SLC22A7: variants seen among roughly 807,000 people sequenced by gnomAD.
The protein encoded by SLC22A7 is solute carrier family 22 member 7, also known as hOAT2.
Under a neutral mutation model 62.2 loss-of-function variants are expected in SLC22A7, and 48 were observed. The ratio of observed to expected loss-of-function variants is 0.77; its 90% CI spans 0.61 to 0.98. SLC22A7 has a LOEUF of 0.98. SLC22A7 is among the 50% of genes least tolerant of loss of function. SLC22A7 has a pLI of 0.00. For missense variants in SLC22A7, 581 were observed against 703.8 expected, an observed-to-expected ratio of 0.83 and a Z score of 1.97; for synonymous variants, 276 against 314.8, an observed-to-expected ratio of 0.88 and a Z score of 1.30.
upstream of SLC22A7, chr6:43,298,149 G>A (rs1778600149): frequency 5.5e-6 from 3 of 544,990 alleles, no homozygotes; most frequent in Non-Finnish European, 9.7e-6. Flanking sequence ...CCTTCCCCCA[G>A]GCACCAGGCA....
chr6:43,299,101 G>T lies in SLC22A7; in HGVS notation c.399+4G>T. 2.5e-6 allele frequency: 4 copies of T among 1,607,824 alleles called. No individual in the cohort carries two copies. The highest frequency in any genetic ancestry group is 2.2e-5 in the South Asian group (2 of 90,470). The stretch of plus-strand genomic sequence containing the variant: ...CCTTCCTCTTTTCCAGTCCCAGGTC[G>T]GTATTTACATAATCCATCTGGAGGT... On this transcript the variant is annotated splice_donor_region_variant and intron_variant, in intron 2 of 10. Coordinates refer to ENST00000372585, the MANE Select transcript of SLC22A7 (RefSeq NM_153320.2). The surrounding 1 kb of genome is among the most constrained non-coding windows in gnomAD (Gnocchi z 4.4).
chr6:43,296,557 G>C (rs1360563885), upstream of SLC22A7, among the ~76,000 whole-genome samples: 2 of 152,244 alleles, frequency 1.3e-5, no homozygotes, highest in African/African-American at 4.8e-5. Context: ...GGTCACACGT[G>C]AGTGAGGATG....
Position 43,299,967 on chromosome 6 carries a change from G to T in SLC22A7, c.728G>T (p.Gly243Val). The T allele has an allele frequency of 1.2e-6, 2 of 1,614,172 alleles. No individual in the cohort carries two copies. Among genetic ancestry groups the T allele is most frequent in the South Asian group, 2.2e-5 (2 of 91,084 alleles). Residue 243 changes from glycine (G) to valine (V), a missense_variant, in exon 5 of 11, where the codon GGC (glycine) becomes GTC (valine). Transcript: ENST00000372585. This position sits in a 1 kb window ranked among gnomAD's most constrained non-coding sequence, Gnocchi z 4.4. ...GVLSSTFWTG[G>V]VMLLALVGYL... ...CTGAGCAGCACCTTCTGGACAGGGG[G>T]CGTGATGCTGCTGGCACTGGTTGGG... is the stretch of plus-strand genomic sequence containing the variant.
rs559322938 is a variant in SLC22A7, at chr6:43,299,699, C to A, written c.576C>A (p.Ser192=). ...TLVLGLASAA[S]VSYVMFAITR... ...TGCTGGGCCTGGCATCTGCAGCCTC[C>A]GTCAGCTATGTAATGTTTGCCATCA... The change falls in exon 4 of 11, where the codon TCC becomes TCA. Residue 192 remains serine (S), a synonymous_variant. Transcript: ENST00000372585. The surrounding 1 kb of genome is among the most constrained non-coding windows in gnomAD (Gnocchi z 4.4). 1.2e-6 allele frequency: 2 copies of A among 1,614,152 alleles called. No individual in the cohort carries two copies. Among genetic ancestry groups the A allele is most frequent in the Non-Finnish European group, 1.7e-6 (2 of 1,180,030 alleles).
Position 43,301,135 on chromosome 6 carries a change from G to C in SLC22A7, c.828G>C (p.Trp276Cys), listed in dbSNP as rs191793591. Residue 276 changes from tryptophan to cysteine, a missense_variant and splice_region_variant, in exon 6 of 11, where the codon TGG becomes TGC. Physicochemically the swap from Trp to Cys is radical, Grantham distance 215 (BLOSUM62 -2). Transcript: ENST00000372585. ...LPCAPGILSL[W>C]WVPESARWLL... Reference sequence around the variant, plus strand: ...TGATGGACCTTCTGCCTATTCCTAGGTGGGTGCCTGAGTCTGCACGCTGGC... The same window carrying C: ...TGATGGACCTTCTGCCTATTCCTAGCTGGGTGCCTGAGTCTGCACGCTGGC... The C allele has an allele frequency of 1.2e-6, 2 of 1,614,050 alleles. No homozygotes were observed. Among genetic ancestry groups the C allele is most frequent in the African/African-American group, 2.7e-5 (2 of 74,912 alleles).
rs1778903120 is a variant in SLC22A7, at chr6:43,305,426, C to G, written c.*701C>G. The G allele has an allele frequency of 3.3e-6, 1 of 301,136 alleles. No homozygotes were observed. Among genetic ancestry groups the G allele is most frequent in the African/African-American group, 2.2e-5 (1 of 44,898 alleles). 18.7% of individuals were successfully genotyped at this position (301,136 alleles called of 1,614,324 possible). ...ATGTCATCCCAACCCCCACACTCCC[C>G]ATCCTCCAACCCACTGGTCTCATGC... On this transcript the variant is annotated 3_prime_UTR_variant, in exon 11 of 11. Transcript: ENST00000372585.
At chr6:43,301,555 G>A in intron 6 of SLC22A7, 28 bp from the exon 7 acceptor site, 3 of 1,577,742 alleles carry the variant, frequency 1.9e-6, no homozygotes, top group Non-Finnish European at 1.7e-6. Context: ...CAACTCTGAT[G>A]TTACAACCTC....
chr6:43,304,786 G>T lies in SLC22A7; in HGVS notation c.*61G>T. On this transcript the variant is annotated 3_prime_UTR_variant, in exon 11 of 11. Coordinates refer to ENST00000372585, the MANE Select transcript of SLC22A7 (RefSeq NM_153320.2). ...CAGCAGGGGCTGGGAGAGCAGAAGG[G>T]CAGGCCCTGCAACTCAGGCTGGGAG... 7.4e-7 allele frequency: 1 copy of T among 1,350,746 alleles called. No homozygotes were observed. The highest frequency in any genetic ancestry group is 2.3e-5 in the Admixed American group (1 of 43,222). The allele number at this position is 1,350,746 out of a possible 1,614,324, so 83.7% of individuals were successfully genotyped here. A position where few individuals can be genotyped will look rare whatever the true frequency, so the allele number is the denominator to read the frequency against.
intron 5 of SLC22A7, 117 bp downstream of exon 5, chr6:43,300,183 G>C: frequency 9.6e-7 from 1 of 1,036,472 alleles, no homozygotes; most frequent in Admixed American, 2.5e-5. Context: ...GAAACGAAGT[G>C]ACCAAGAGAC....
rs759181553 is a variant in SLC22A7, at chr6:43,302,270, A to C, written c.1132A>C (p.Thr378Pro). The change falls in exon 8 of 11, where the codon ACA (threonine) becomes CCA (proline). Residue 378 changes from threonine to proline, a missense_variant. Physicochemically the swap from Thr to Pro is conservative, Grantham distance 38. Transcript: ENST00000372585. This position sits in a 1 kb window ranked among gnomAD's most constrained non-coding sequence, Gnocchi z 5.0. ...GGGGCTGGGGCTGAACGTGTACCAG[A>C]CACAGCTGTTGTTCGGGGCTGTGGA... is the stretch of plus-strand genomic sequence containing the variant. The part of the protein sequence containing the change: ...VSGLGLNVYQ[T>P]QLLFGAVELP... The C allele has an allele frequency of 6.2e-7, 1 of 1,613,060 alleles. No individual in the cohort carries two copies. The highest frequency in any genetic ancestry group is 8.5e-7 in the Non-Finnish European group (1 of 1,179,414).
rs961281555 is a variant in SLC22A7 at position 43,304,894 on chromosome 6, G to C, written c.*169G>C. On this transcript the variant is annotated 3_prime_UTR_variant, in exon 11 of 11. Coordinates refer to ENST00000372585, the MANE Select transcript of SLC22A7 (RefSeq NM_153320.2). ...CCATCCTTGATTATTTGGCTTCTAG[G>C]AACAGTTGACTTCCCAGAATGCAGT... 7.0e-5 allele frequency: 34 copies of C among 487,142 alleles called. No individual in the cohort carries two copies. The highest frequency in any genetic ancestry group is 6.6e-4 in the African/African-American group (33 of 49,862). 30.2% of individuals were successfully genotyped at this position (487,142 alleles called of 1,614,324 possible). A position where few individuals can be genotyped will look rare whatever the true frequency, so the allele number is the denominator to read the frequency against.
chr6:43,298,674 G>C lies in SLC22A7; in HGVS notation c.316G>C (p.Asp106His). The change falls in exon 1 of 11, where the codon GAT becomes CAT. Residue 106 changes from aspartate to histidine, a missense_variant. By Grantham distance (81) the Asp-to-His change is moderately conservative. Transcript: ENST00000372585. ...AAGGCAGAGCCGTGGGGAGCTGGAG[G>C]ATGAACCTGCCACAGTGCCCTGCTC... is the stretch of plus-strand genomic sequence containing the variant. ...EERQSRGELE[D>H]EPATVPCSQG... 1 of 1,560,580 alleles carries C rather than the reference G, an allele frequency of 6.4e-7. No individual in the cohort carries two copies. Among genetic ancestry groups the C allele is most frequent in the East Asian group, 2.3e-5 (1 of 44,420 alleles).
Position 43,299,953 on chromosome 6 carries a change from C to T in SLC22A7, c.714C>T (p.Thr238=), listed in dbSNP as rs1411083830. 8 of 1,614,052 alleles carry T rather than the reference C, an allele frequency of 5.0e-6. No homozygotes were observed. The East Asian group carries it at 1.6e-4, about 31-fold the overall frequency. The change falls in exon 5 of 11, where the codon ACC becomes ACT. Residue 238 remains threonine (T), a synonymous_variant. Transcript: ENST00000372585. This position sits in a 1 kb window ranked among gnomAD's most constrained non-coding sequence, Gnocchi z 4.4. Reference sequence around the variant, plus strand: ...CCGTGGCTGGAGTCCTGAGCAGCACCTTCTGGACAGGGGGCGTGATGCTGC... The same window carrying T: ...CCGTGGCTGGAGTCCTGAGCAGCACTTTCTGGACAGGGGGCGTGATGCTGC... ...HRTVAGVLSS[T]FWTGGVMLLA...
chr6:43,303,490 T>TAAG (rs1778829265), intron 9 of SLC22A7, among the ~76,000 whole-genome samples: 3 of 147,992 alleles, frequency 2.0e-5, no homozygotes, highest in South Asian at 2.2e-4. Flanking sequence ...AATTAAATAA[T>TAAG]AATAATAATA....
chr6:43,304,555 C>T (rs374264752), intron 10 of SLC22A7, 116 bp from the exon 11 acceptor site: 3 of 824,234 alleles, frequency 3.6e-6, no homozygotes, highest in Admixed American at 2.3e-5. Context: ...GTCACTTGTA[C>T]AGGCGTTTGT....
Position 43,304,823 on chromosome 6 carries a change from C to T in SLC22A7, c.*98C>T. ...ACTCAGGCTGGGAGTATCGAACCCTCTGCCTAGGGCCGGAGTTGCTGCCAG... is the reference window on the plus strand; with the variant it reads ...ACTCAGGCTGGGAGTATCGAACCCTTTGCCTAGGGCCGGAGTTGCTGCCAG... On this transcript the variant is annotated 3_prime_UTR_variant, in exon 11 of 11. Transcript: ENST00000372585. 1.0e-6 allele frequency: 1 copy of T among 964,634 alleles called. No homozygotes were observed. The highest frequency in any genetic ancestry group is 1.5e-6 in the Non-Finnish European group (1 of 667,696). The allele number at this position is 964,634 out of a possible 1,614,324, so 59.8% of individuals were successfully genotyped here.
At position 43,302,457 on chromosome 6, in the gene SLC22A7, C is replaced by A; in HGVS notation, c.1276+43C>A. Reference sequence around the variant, plus strand: ...GGTTCTGCCCACCCCAGAAGCCGGGCCAGGAACCCTGCCCACTCCCCGGAG... The same window carrying A: ...GGTTCTGCCCACCCCAGAAGCCGGGACAGGAACCCTGCCCACTCCCCGGAG... On this transcript the variant is annotated intron_variant, in intron 8 of 10. Coordinates refer to ENST00000372585, the MANE Select transcript of SLC22A7 (RefSeq NM_153320.2). This position sits in a 1 kb window ranked among gnomAD's most constrained non-coding sequence, Gnocchi z 5.0. The A allele has an allele frequency of 1.4e-6, 2 of 1,475,358 alleles. No homozygotes were observed. Among genetic ancestry groups the A allele is most frequent in the Admixed American group, 2.2e-5 (1 of 46,322 alleles). The allele number at this position is 1,475,358 out of a possible 1,614,324, so 91.4% of individuals were successfully genotyped here.
rs1428064850 is a variant in SLC22A7, at chr6:43,302,273, C to T, written c.1135C>T (p.Gln379Ter). The T allele has an allele frequency of 6.2e-7, 1 of 1,613,158 alleles. No homozygotes were observed. The highest frequency in any genetic ancestry group is 8.5e-7 in the Non-Finnish European group (1 of 1,179,474). The stretch of plus-strand genomic sequence containing the variant: ...GCTGGGGCTGAACGTGTACCAGACA[C>T]AGCTGTTGTTCGGGGCTGTGGAACT... ...SGLGLNVYQTQLLFGAVELPS... is the reference protein window; with the variant it reads ...SGLGLNVYQT Residue 379 changes from glutamine (Q) to a stop codon, truncating the protein, a stop_gained, in exon 8 of 11, where the codon CAG becomes TAG. Transcript: ENST00000372585. LOFTEE classifies it high-confidence loss of function. The surrounding 1 kb of genome is among the most constrained non-coding windows in gnomAD (Gnocchi z 5.0).
Position 43,299,660 on chromosome 6 carries a change from C to G in SLC22A7, c.537C>G (p.Tyr179Ter). ...GGCGGCGTCTGCTGCTGGTAGCCTA[C>G]GTGAGTACCCTGGTGCTGGGCCTGG... is the stretch of plus-strand genomic sequence containing the variant. The part of the protein sequence containing the change: ...FGRRRLLLVA[Y>*]VSTLVLGLAS... The change falls in exon 4 of 11, where the codon TAC (tyrosine) becomes TAG (stop). Residue 179 changes from tyrosine to a stop codon, truncating the protein, a stop_gained. Coordinates refer to ENST00000372585, the MANE Select transcript of SLC22A7 (RefSeq NM_153320.2). LOFTEE classifies it high-confidence loss of function. This position sits in a 1 kb window ranked among gnomAD's most constrained non-coding sequence, Gnocchi z 4.4. The G allele has an allele frequency of 6.2e-7, 1 of 1,614,200 alleles. No homozygotes were observed.
Sources: gnomAD v4.1 joint callset for allele counts (sites outside exome capture counted in the v4.1 genomes callset) on GRCh38, gnomAD v4.1.1 for gene constraint, Gnocchi (gnomAD v3.1) non-coding constraint, MANE v1.5 for transcripts, NCBI Gene and HGNC (gene_info 2026-07-23, HGNC 2026-07-21) for gene names.